Variants in CACNA2D3 observed in about 807,000 individuals in gnomAD.
The protein encoded by CACNA2D3 is calcium voltage-gated channel auxiliary subunit alpha2delta 3, also known as voltage-dependent calcium channel subunit alpha-2/delta-3.
Under a neutral mutation model 160.6 loss-of-function variants are expected in CACNA2D3, and 60 were observed. The ratio of observed to expected loss-of-function variants is 0.37; its 90% confidence interval spans 0.30 to 0.46. The LOEUF (loss-of-function observed/expected upper bound fraction) is 0.46. CACNA2D3 is among the 20% of genes least tolerant of loss of function. CACNA2D3 has a pLI of 1.00. For missense variants in CACNA2D3, 1,205 were observed against 1,365.0 expected (o/e 0.88, Z 1.85); for synonymous variants, 558 against 492.9 (o/e 1.13, Z -1.75).
Position 55,007,925 on chromosome 3 carries a change from C to A in CACNA2D3, c.2819+83C>A. 5.6e-6 allele frequency: 5 copies of A among 885,108 alleles called. No homozygotes were observed. The South Asian group carries it at 7.6e-5, about 13-fold the overall frequency. 54.8% of individuals were successfully genotyped at this position (885,108 alleles called of 1,614,324 possible). On this transcript the variant is annotated intron_variant, in intron 33 of 37. Coordinates refer to ENST00000474759, the MANE Select transcript of CACNA2D3 (RefSeq NM_018398.3). ...TAAAGTGATCTAAGAGATTGTGAGT[C>A]ATGCCTTCAATAACCATTAGATTCC...
chr3:54,406,225 T>A (rs1268446460), intron 4 of CACNA2D3, among the ~76,000 whole-genome samples: 1 of 151,992 alleles, frequency 6.6e-6, no homozygotes, highest in Non-Finnish European at 1.5e-5. Context: ...AATCACCACC[T>A]CAGAAAGATA....
intron 4 of CACNA2D3, among the ~76,000 whole-genome samples, chr3:54,472,826 T>C (rs1462086217): frequency 2.0e-5 from 3 of 152,096 alleles, no homozygotes; most frequent in Non-Finnish European, 2.9e-5. Context: ...ATACGACTTA[T>C]AAGGGATATG....
At chr3:54,255,447 C>T (rs1229609351) in intron 2 of CACNA2D3, among the ~76,000 whole-genome samples, 1 of 152,208 alleles carries the variant, frequency 6.6e-6, no homozygotes, top group African/African-American at 2.4e-5. Flanking sequence ...TAATCTACTT[C>T]TACTTGAAGT....
chr3:54,210,348 A>G (rs1273971290), intron 2 of CACNA2D3, among the ~76,000 whole-genome samples: 2 of 152,224 alleles, frequency 1.3e-5, no homozygotes, highest in African/African-American at 4.8e-5. Context: ...GTTCTTAGGT[A>G]ATAAGATTGC....
At chr3:54,205,905 A>G (rs920505612) in intron 2 of CACNA2D3, among the ~76,000 whole-genome samples, 16 of 152,202 alleles carry the variant, frequency 1.1e-4, no homozygotes, top group Middle Eastern at 3.2e-3. Flanking sequence ...TAAACAGTGA[A>G]TATTTAAAAT....
At chr3:54,740,297 A>G (rs182935068) in intron 11 of CACNA2D3, among the ~76,000 whole-genome samples, 3 of 152,286 alleles carry the variant, frequency 2.0e-5, no homozygotes, top group Admixed American at 2.0e-4. Context: ...ACTGAAGGTA[A>G]GAAATAAACT....
At chr3:54,729,052 A>AT (rs922685635) in intron 11 of CACNA2D3, among the ~76,000 whole-genome samples, 1 of 151,970 alleles carries the variant, frequency 6.6e-6, no homozygotes, top group Admixed American at 6.6e-5. Flanking sequence ...GCCTGAACCC[A>AT]TTTTTTTGGT....
chr3:54,857,847 G>C (rs1559606677), intron 17 of CACNA2D3, among the ~76,000 whole-genome samples: 1 of 152,048 alleles, frequency 6.6e-6, no homozygotes. Flanking sequence ...TCAGGCCCCT[G>C]AGCATGTATT....
At chr3:54,350,589 G>C (rs1025576744) in intron 3 of CACNA2D3, among the ~76,000 whole-genome samples, 1 of 152,198 alleles carries the variant, frequency 6.6e-6, no homozygotes, top group South Asian at 2.1e-4. Flanking sequence ...CACATTTTGT[G>C]CATGCTTTAT....
intron 2 of CACNA2D3, among the ~76,000 whole-genome samples, chr3:54,145,515 A>T (rs899352068): frequency 6.6e-6 from 1 of 152,230 alleles, no homozygotes; most frequent in Non-Finnish European, 1.5e-5. Context: ...GATGTCTAAG[A>T]AAGAAGAAGG....
At chr3:54,262,457 A>T (rs563351399) in intron 2 of CACNA2D3, among the ~76,000 whole-genome samples, 6 of 152,214 alleles carry the variant, frequency 3.9e-5, no homozygotes, top group Non-Finnish European at 8.8e-5. Flanking sequence ...TGCATCACAA[A>T]TATCTATAAT....
At chr3:54,718,271 T>C (rs1386943657) in intron 11 of CACNA2D3, among the ~76,000 whole-genome samples, 2 of 152,316 alleles carry the variant, frequency 1.3e-5, no homozygotes, top group East Asian at 3.9e-4. Flanking sequence ...TTTTCCTTTA[T>C]GGACAGTGCT....
intron 2 of CACNA2D3, among the ~76,000 whole-genome samples, chr3:54,244,688 G>A (rs1252346715): frequency 2.6e-5 from 4 of 152,216 alleles, no homozygotes; most frequent in Non-Finnish European, 5.9e-5. Context: ...TGTGTATGAT[G>A]AGATCACATG....
At chr3:54,646,581 T>C (rs923285892) in intron 11 of CACNA2D3, among the ~76,000 whole-genome samples, 9 of 152,110 alleles carry the variant, frequency 5.9e-5, no homozygotes, top group Non-Finnish European at 7.4e-5. Flanking sequence ...ATGATCTTTT[T>C]CCTTTTTATG....
chr3:54,709,049 A>G (rs1575433837), intron 11 of CACNA2D3, among the ~76,000 whole-genome samples: 1 of 146,958 alleles, frequency 6.8e-6, no homozygotes. Flanking sequence ...TTGCTCTGTC[A>G]CCTAGGCTAG....
chr3:54,520,822 T>A (rs1251775918), intron 5 of CACNA2D3, among the ~76,000 whole-genome samples: 1 of 152,200 alleles, frequency 6.6e-6, no homozygotes, highest in Non-Finnish European at 1.5e-5. Context: ...TCCCTATAGA[T>A]TTACCTTTTC....
chr3:54,349,896 C>T (rs533363316), intron 3 of CACNA2D3, among the ~76,000 whole-genome samples: 3 of 152,312 alleles, frequency 2.0e-5, no homozygotes, highest in South Asian at 2.1e-4. Context: ...TATGTGTCTG[C>T]GTATGCTGGC....
intron 35 of CACNA2D3, among the ~76,000 whole-genome samples, chr3:55,053,606 C>G (rs1704286609): frequency 6.6e-6 from 1 of 151,950 alleles, no homozygotes; most frequent in Non-Finnish European, 1.5e-5. Context: ...ACCAAAAAAT[C>G]CAAGTTGCTT....
At chr3:54,702,895 G>C (rs1441219004) in intron 11 of CACNA2D3, among the ~76,000 whole-genome samples, 2 of 152,152 alleles carry the variant, frequency 1.3e-5, no homozygotes, top group Non-Finnish European at 2.9e-5. Context: ...ATACTACATA[G>C]CCATAAAAAG....
Sources: allele counts gnomAD v4.1 joint callset (sites outside exome capture counted in the v4.1 genomes callset), GRCh38; gene constraint gnomAD v4.1.1; transcripts MANE v1.5; gene names NCBI Gene and HGNC (gene_info 2026-07-23, HGNC 2026-07-21).